AKAIN1: variants seen among roughly 807,000 people sequenced by gnomAD.
AKAIN1 encodes A-kinase anchor inhibitor 1, also known as A-kinase anchor protein inhibitor 1.
Under a neutral mutation model 3.7 loss-of-function variants are expected in AKAIN1, and 3 were observed. The ratio of observed to expected loss-of-function variants is 0.82; its 90% CI spans 0.37 to 2.12. The LOEUF (loss-of-function observed/expected upper bound fraction) is 2.12, where lower values mean the gene tolerates loss of function less well. Among genes scored for constraint, AKAIN1 ranks in the 30% most tolerant of loss-of-function variants. The pLI is 0.06. For missense variants in AKAIN1, 82 were observed against 82.7 expected, an observed-to-expected ratio of 0.99 and a Z score of 0.03; for synonymous variants, 31 against 30.8, an observed-to-expected ratio of 1.01 and a Z score of -0.02.
rs372656337 is a variant in AKAIN1, at chr18:5,148,620, C to T, written c.17-2865G>A. ...GCTGTAATCCCAGCACTCTGGGAGGCCGACATGGGCGAATCATTTGAGCTC... is the reference window on the plus strand; with the variant it reads ...GCTGTAATCCCAGCACTCTGGGAGGTCGACATGGGCGAATCATTTGAGCTC... On this transcript the variant is annotated intron_variant, in intron 1 of 1. Transcript: ENST00000434239. Among the ~76,000 whole-genome samples the T allele has an allele frequency of 2.2e-4, 34 of 152,272 alleles. No individual in the cohort carries two copies. In the East Asian group the frequency reaches 3.9e-3, roughly 17 times the overall value.
chr18:5,166,038 A>G (rs292321), intron 1 of AKAIN1, among the ~76,000 whole-genome samples: 92,561 of 151,870 alleles, frequency 0.61, 29,104 homozygotes, highest in African/African-American at 0.76. Flanking sequence ...AATGTGCTAC[A>G]CATGATTGTG....
At chr18:5,181,464 G>A (rs894268433) in intron 1 of AKAIN1, among the ~76,000 whole-genome samples, 12 of 152,202 alleles carry the variant, frequency 7.9e-5, no homozygotes, top group South Asian at 4.1e-4. Context: ...ATATAAAGTC[G>A]TTCCTTGCTG....
At chr18:5,149,027 T>TTTG (rs2071065320) in intron 1 of AKAIN1, among the ~76,000 whole-genome samples, 1 of 151,664 alleles carries the variant, frequency 6.6e-6, no homozygotes, top group Non-Finnish European at 1.5e-5. Context: ...GAAACCCAGG[T>TTTG]TGCTCTGTCT....
At chr18:5,193,172 T>C (rs1444002714) in intron 1 of AKAIN1, among the ~76,000 whole-genome samples, 1 of 152,208 alleles carries the variant, frequency 6.6e-6, no homozygotes, top group Non-Finnish European at 1.5e-5. Context: ...CTAGAAATAT[T>C]GGTGCGAAAT....
At chr18:5,161,227 T>TA (rs996717957) in intron 1 of AKAIN1, among the ~76,000 whole-genome samples, 7 of 151,956 alleles carry the variant, frequency 4.6e-5, no homozygotes, top group Admixed American at 2.0e-4. Context: ...CTCCTTTAAT[T>TA]AAAAAAAATT....
intron 1 of AKAIN1, among the ~76,000 whole-genome samples, chr18:5,151,825 T>C (rs955319548): frequency 6.6e-6 from 1 of 152,258 alleles, no homozygotes; most frequent in Non-Finnish European, 1.5e-5. Context: ...TATGGTACTA[T>C]GGAGAATAAC....
At chr18:5,175,678 T>C (rs2071222116) in intron 1 of AKAIN1, among the ~76,000 whole-genome samples, 1 of 152,170 alleles carries the variant, frequency 6.6e-6, no homozygotes, top group African/African-American at 2.4e-5. Flanking sequence ...AAGAAATACA[T>C]AACCATGTAC....
At chr18:5,168,804 G>A (rs1444703506) in intron 1 of AKAIN1, among the ~76,000 whole-genome samples, 1 of 151,334 alleles carries the variant, frequency 6.6e-6, no homozygotes, top group East Asian at 1.9e-4. Flanking sequence ...TAATAAAAAG[G>A]GGCATTTGGA....
intron 1 of AKAIN1, among the ~76,000 whole-genome samples, chr18:5,160,127 G>GTAGAGA (rs1482495059): frequency 6.6e-6 from 1 of 152,130 alleles, no homozygotes; most frequent in African/African-American, 2.4e-5. Context: ...TGTCTGCATT[G>GTAGAGA]TAGAGAATAA....
At chr18:5,148,937 T>C (rs1567870739) in intron 1 of AKAIN1, among the ~76,000 whole-genome samples, 1 of 151,588 alleles carries the variant, frequency 6.6e-6, no homozygotes, top group Non-Finnish European at 1.5e-5. Flanking sequence ...CATTAAGAAG[T>C]TCAAAAAATT....
At chr18:5,168,844 C>T (rs2071181378) in intron 1 of AKAIN1, among the ~76,000 whole-genome samples, 1 of 149,504 alleles carries the variant, frequency 6.7e-6, no homozygotes, top group African/African-American at 2.5e-5. Flanking sequence ...GTGCTTGTTT[C>T]CTCATATGAG....
chr18:5,155,196 G>A (rs2071100589), intron 1 of AKAIN1, among the ~76,000 whole-genome samples: 1 of 152,050 alleles, frequency 6.6e-6, no homozygotes, highest in Non-Finnish European at 1.5e-5. Flanking sequence ...GCCTTCCTTT[G>A]GGATAAGAGA....
chr18:5,176,473 GTAAA>G, intron 1 of AKAIN1, among the ~76,000 whole-genome samples: 1 of 151,820 alleles, frequency 6.6e-6, no homozygotes, highest in South Asian at 2.1e-4. Context: ...AAACAAACTG[GTAAA>G]TAAAGACTGA....
chr18:5,147,606 G>A (rs1567870435), intron 1 of AKAIN1, among the ~76,000 whole-genome samples: 1 of 152,174 alleles, frequency 6.6e-6, no homozygotes, highest in East Asian at 1.9e-4. Flanking sequence ...ATACACCTAA[G>A]AGGAAACATC....
At chr18:5,181,936 T>C (rs558410989) in intron 1 of AKAIN1, among the ~76,000 whole-genome samples, 3 of 152,260 alleles carry the variant, frequency 2.0e-5, no homozygotes, top group Admixed American at 6.5e-5. Context: ...TAATGCACTA[T>C]ACCCTCACCA....
At chr18:5,186,247 G>T (rs1173483391) in intron 1 of AKAIN1, among the ~76,000 whole-genome samples, 2 of 152,018 alleles carry the variant, frequency 1.3e-5, no homozygotes, top group Non-Finnish European at 2.9e-5. Flanking sequence ...AGGAGGGAGA[G>T]TATAAAAAAC....
intron 1 of AKAIN1, among the ~76,000 whole-genome samples, chr18:5,162,916 A>T (rs1027011739): frequency 6.6e-6 from 1 of 151,742 alleles, no homozygotes; most frequent in Non-Finnish European, 1.5e-5. Flanking sequence ...TGACTCTCAA[A>T]ATCTAGTATC....
intron 1 of AKAIN1, among the ~76,000 whole-genome samples, chr18:5,180,605 GA>G (rs2071252462): frequency 6.6e-6 from 1 of 152,152 alleles, no homozygotes; most frequent in African/African-American, 2.4e-5. Context: ...TGTATAGCAT[GA>G]CCTGATCAGG....
chr18:5,193,448 G>T (rs924385657), intron 1 of AKAIN1, among the ~76,000 whole-genome samples: 5 of 152,136 alleles, frequency 3.3e-5, no homozygotes, highest in African/African-American at 4.8e-5. Context: ...CCAGGGATAA[G>T]GTAACTTCTG....
Sources: allele counts gnomAD v4.1 joint callset (sites outside exome capture counted in the v4.1 genomes callset), GRCh38; gene constraint gnomAD v4.1.1; transcripts MANE v1.5; gene names NCBI Gene and HGNC (gene_info 2026-07-23, HGNC 2026-07-21).